CEBPZOS: variants seen among roughly 807,000 people sequenced by gnomAD.
CEBPZOS encodes the protein protein CEBPZOS.
CEBPZOS carries 10 observed loss-of-function variants against 4.8 expected under a neutral mutation model. The observed-to-expected ratio is 2.07, with a 90% CI of 1.28 to 3.52. CEBPZOS has a LOEUF of 3.52. CEBPZOS is among the 30% of genes most tolerant of loss of function. CEBPZOS has a pLI of 0.00. For missense variants in CEBPZOS, 98 were observed against 43.6 expected (o/e 2.25, Z -3.51); for synonymous variants, 25 against 14.2 (o/e 1.77, Z -1.72).
At position 37,213,620 on chromosome 2, in the gene CEBPZOS, G is replaced by A. The variant is rs532224075; in HGVS notation, c.*186G>A. 18 of 345,936 alleles carry A rather than the reference G, an allele frequency of 5.2e-5. 1 individual carries two copies. In the South Asian group the frequency reaches 5.2e-4, roughly 10 times the overall value. 21.4% of individuals were successfully genotyped at this position (345,936 alleles called of 1,614,324 possible). A position where few individuals can be genotyped will look rare whatever the true frequency, so the allele number is the denominator to read the frequency against. ...GTAGAGACAGGGTTTCACCATATTG[G>A]CCAGGCTGGTCTCGAACTCCTGACC... On this transcript the variant is annotated 3_prime_UTR_variant, in exon 5 of 5. Transcript: ENST00000397064.
chr2:37,208,925 A>G (rs1224885818), downstream of CEBPZOS: 5 of 152,144 alleles, frequency 3.3e-5, no homozygotes, highest in African/African-American at 4.8e-5. Context: ...AGATCTGATA[A>G]ATAAATCCAG....
downstream of CEBPZOS, chr2:37,215,064 T>C (rs1392243892): frequency 8.2e-6 from 6 of 730,794 alleles, no homozygotes; most frequent in African/African-American, 1.1e-4. Context: ...CTCAGAATTG[T>C]GTGGGAAGGT....
At chr2:37,215,287 TAATA>T (rs1282009795), downstream of CEBPZOS, 1 of 176,304 alleles carries the variant, frequency 5.7e-6, no homozygotes, top group African/African-American at 2.4e-5. Flanking sequence ...AGAGTTATTT[TAATA>T]AATAATCACT....
chr2:37,199,367 C>T (rs938873133), intron 1 of CEBPZOS, among the ~76,000 whole-genome samples: 1 of 152,128 alleles, frequency 6.6e-6, no homozygotes, highest in African/African-American at 2.4e-5. Flanking sequence ...TTCTTAACTC[C>T]CAGTGCAGCT....
rs1219910953 is a variant in CEBPZOS at position 37,204,641 on chromosome 2, GTATGTT to G, written c.*2785_*2790del. On this transcript the variant is annotated 3_prime_UTR_variant, in exon 5 of 5. Coordinates refer to ENST00000402297, the MANE Select transcript of CEBPZOS (RefSeq NM_001322374.2). Reference sequence around the variant, plus strand: ...CCAGGCTGATTAAAGTTTCTATAAGGTATGTTTATTCTTAAGGATATCTACTCTAAC... The same window carrying G: ...CCAGGCTGATTAAAGTTTCTATAAGGTATTCTTAAGGATATCTACTCTAAC... 6.6e-6 allele frequency: 1 copy of G among 152,036 alleles called. No homozygotes were observed. Among genetic ancestry groups the G allele is most frequent in the African/African-American group, 2.4e-5 (1 of 41,394 alleles). 9.4% of individuals were successfully genotyped at this position (152,036 alleles called of 1,614,324 possible). A position where few individuals can be genotyped will look rare whatever the true frequency, so the allele number is the denominator to read the frequency against.
chr2:37,214,725 A>T (rs577380456), downstream of CEBPZOS, among the ~76,000 whole-genome samples: 103 of 152,286 alleles, frequency 6.8e-4, no homozygotes, highest in South Asian at 0.014. Flanking sequence ...AAAATGAAGC[A>T]TTTAAAACTA....
At position 37,204,690 on chromosome 2, in the gene CEBPZOS, G is replaced by T. The variant is rs1006097911; in HGVS notation, c.*2830G>T. On this transcript the variant is annotated 3_prime_UTR_variant, in exon 5 of 5. Transcript: ENST00000402297. ...ACTCTAACACCTGTAAATGTAGGGT[G>T]ATCAATTAGTAAATTAATAAATCTG... The T allele has an allele frequency of 6.6e-6, 1 of 152,152 alleles. No individual in the cohort carries two copies. Among genetic ancestry groups the T allele is most frequent in the African/African-American group, 2.4e-5 (1 of 41,442 alleles). The allele number at this position is 152,152 out of a possible 1,614,324, so 9.4% of individuals were successfully genotyped here.
At chr2:37,211,866 T>C (rs371661159) in intron 4 of CEBPZOS, 1 of 1,605,838 alleles carries the variant, frequency 6.2e-7, no homozygotes, top group Non-Finnish European at 8.5e-7. Context: ...ACTTTCATCA[T>C]CTAACACATC....
intron 4 of CEBPZOS, chr2:37,211,373 T>C (rs1677715765): frequency 7.5e-6 from 2 of 265,092 alleles, no homozygotes; most frequent in Non-Finnish European, 1.4e-5. Context: ...TGGTTCAGAA[T>C]AAGTAAGAAG....
downstream of CEBPZOS, chr2:37,214,990 C>T (rs1677833736): frequency 7.7e-7 from 1 of 1,294,354 alleles, no homozygotes; most frequent in Admixed American, 1.7e-5. Context: ...CTTCATATAG[C>T]AATCCCCTTT....
intron 1 of CEBPZOS, among the ~76,000 whole-genome samples, chr2:37,198,139 G>A (rs977681442): frequency 7.2e-5 from 11 of 151,900 alleles, no homozygotes; most frequent in African/African-American, 2.7e-4. Context: ...CAGCCTGGGC[G>A]ACAGAGCGAG....
intron 4 of CEBPZOS, chr2:37,211,276 T>A (rs1427877460): frequency 2.5e-6 from 1 of 404,886 alleles, no homozygotes; most frequent in Non-Finnish European, 4.4e-6. Context: ...ACAGTTCTAA[T>A]ATTTTGTGCA....
rs962451612 is a variant in CEBPZOS at position 37,199,796 on chromosome 2, T to G, written c.92T>G (p.Phe31Cys). 9.8e-6 allele frequency: 7 copies of G among 717,612 alleles called. No individual in the cohort carries two copies. In the African/African-American group the frequency reaches 1.0e-4, roughly 11 times the overall value. 44.5% of individuals were successfully genotyped at this position (717,612 alleles called of 1,614,324 possible). A position where few individuals can be genotyped will look rare whatever the true frequency, so the allele number is the denominator to read the frequency against. The stretch of plus-strand genomic sequence containing the variant: ...GGCGTTTTTGGAGCATATTTTTTGT[T>G]TAGCAAGATGCACACAAGCCAAGGT... ...LVGVFGAYFL[F>C]SKMHTSQDFR... is the part of the protein sequence containing the mutation. The change falls in exon 2 of 5, where the codon TTT becomes TGT. Residue 31 changes from phenylalanine to cysteine, a missense_variant. Phe to Cys is a radical substitution (Grantham distance 205). Transcript: ENST00000402297.
rs56340587 is a variant in CEBPZOS at position 37,202,644 on chromosome 2, CAAAAAAAAAAAAAAAAAAAAAAAAAAA to C, written c.*806_*832del. The C allele has an allele frequency of 2.7e-3, 568 of 207,170 alleles. 2 individuals are homozygous for C. The highest frequency in any genetic ancestry group is 4.8e-3 in the South Asian group (109 of 22,772). The allele number at this position is 207,170 out of a possible 1,614,324, so 12.8% of individuals were successfully genotyped here. On this transcript the variant is annotated 3_prime_UTR_variant, in exon 5 of 5. Transcript: ENST00000402297. ...TGGGCAAGGGAGTGAGACGCTGTCT[CAAAAAAAAAAAAAAAAAAAAAAAAAAA>C]AAAAAAAAAAAAAAAAAAAAAGAAT...
In CEBPZOS at chr2:37,202,017, C is replaced by A. The variant is rs1415081666; in HGVS notation, c.*157C>A. 5 of 864,448 alleles carry A rather than the reference C, an allele frequency of 5.8e-6. No individual in the cohort carries two copies. In the African/African-American group the frequency reaches 8.5e-5, roughly 15 times the overall value. 53.5% of individuals were successfully genotyped at this position (864,448 alleles called of 1,614,324 possible). ...CTAGCCTGCCTTGGCCTGTGGTTTC[C>A]CACCCACTATACAAACCCACTGCTT... On this transcript the variant is annotated 3_prime_UTR_variant, in exon 5 of 5. Coordinates refer to ENST00000402297, the MANE Select transcript of CEBPZOS (RefSeq NM_001322374.2).
At chr2:37,215,672 T>C (rs1677850240), downstream of CEBPZOS, among the ~76,000 whole-genome samples, 3 of 152,164 alleles carry the variant, frequency 2.0e-5, no homozygotes, top group South Asian at 6.2e-4. Context: ...CAGACTCAGA[T>C]CCAGAAGATG....
chr2:37,200,740 C>T (rs1383724063), intron 2 of CEBPZOS, among the ~76,000 whole-genome samples: 1 of 152,018 alleles, frequency 6.6e-6, no homozygotes, highest in African/African-American at 2.4e-5. Flanking sequence ...GGAGGCTCCC[C>T]TGAGCCCCAT....
At chr2:37,215,284 T>C (rs1677841568), downstream of CEBPZOS, 1 of 178,156 alleles carries the variant, frequency 5.6e-6, no homozygotes, top group Non-Finnish European at 1.2e-5. Context: ...CAAAGAGTTA[T>C]TTTAATAAAT....
downstream of CEBPZOS, among the ~76,000 whole-genome samples, chr2:37,205,830 A>G (rs1677519440): frequency 6.6e-6 from 1 of 152,238 alleles, no homozygotes. Flanking sequence ...TACACTGTGA[A>G]GCAGAATCTT....
Sources: gnomAD v4.1 joint callset for allele counts (sites outside exome capture counted in the v4.1 genomes callset) on GRCh38, gnomAD v4.1.1 for gene constraint, MANE v1.5 for transcripts, NCBI Gene and HGNC (gene_info 2026-07-23, HGNC 2026-07-21) for gene names.